NIPBL: variants seen among roughly 807,000 people sequenced by gnomAD.
The protein encoded by NIPBL is NIPBL cohesin loading factor.
NIPBL carries 19 observed loss-of-function variants against 321.8 expected under a neutral mutation model. That is an observed-to-expected ratio of 0.06 (90% CI 0.04 to 0.09). The LOEUF (loss-of-function observed/expected upper bound fraction) is 0.09, where lower values mean the gene tolerates loss of function less well. Among genes scored for constraint, NIPBL ranks in the 10% least tolerant of loss-of-function variants. The pLI is 1.00. For synonymous variants in NIPBL, 1,106 were observed against 1,114.1 expected (o/e 0.99, Z 0.14); for missense variants, 2,210 against 3,327.0 (o/e 0.66, Z 8.26).
intron 1 of NIPBL, among the ~76,000 whole-genome samples, chr5:36,936,445 G>T (rs1344729890): frequency 6.6e-6 from 1 of 152,116 alleles, no homozygotes; most frequent in Non-Finnish European, 1.5e-5. Flanking sequence ...TGTAGCCTAG[G>T]AGCAATAGGC....
At position 36,931,612 on chromosome 5, in the gene NIPBL, G is replaced by A. The variant is rs551786354; in HGVS notation, c.-79-22006G>A. On this transcript the variant is annotated intron_variant, in intron 1 of 46. Transcript: ENST00000282516. The stretch of plus-strand genomic sequence containing the variant: ...GATTATAGGCATGAGCCATCACACC[G>A]GGCCTTCCCTTTTAATTTCTAAAGT... 7.2e-5 allele frequency among the ~76,000 whole-genome samples: 11 copies of A among 152,072 alleles called. No individual in the cohort carries two copies. The East Asian group carries it at 1.5e-3, about 21-fold the overall frequency.
At chr5:36,995,009 G>C (rs979222062) in intron 10 of NIPBL, 1 of 152,094 alleles carries the variant, frequency 6.6e-6, no homozygotes, top group African/African-American at 2.4e-5. Context: ...CAGTTAAATT[G>C]TATATATTGA....
intron 11 of NIPBL, among the ~76,000 whole-genome samples, chr5:36,998,720 A>G (rs1279312464): frequency 1.3e-5 from 2 of 152,154 alleles, no homozygotes; most frequent in East Asian, 3.9e-4. Context: ...TAGGCATTTC[A>G]GTACTTGTGA....
At position 37,000,468 on chromosome 5, in the gene NIPBL, T is replaced by A. The variant is rs753849710; in HGVS notation, c.3400T>A (p.Ser1134Thr). ...SSGDHRRSGH[S>T]HEGRRSSGGG... is the part of the protein sequence containing the mutation. The stretch of plus-strand genomic sequence containing the variant: ...TGGGGATCATAGGAGAAGTGGCCAC[T>A]CTCATGAAGGAAGAAGGAGTTCAGG... Residue 1134 changes from serine to threonine, a missense_variant, in exon 12 of 47, where the codon TCT becomes ACT. Coordinates refer to ENST00000282516, the MANE Select transcript of NIPBL (RefSeq NM_133433.4). 8.7e-6 allele frequency: 14 copies of A among 1,613,264 alleles called. No homozygotes were observed. Among genetic ancestry groups the A allele is most frequent in the Non-Finnish European group, 1.2e-5 (14 of 1,179,554 alleles).
chr5:37,009,162 G>C (rs966759961), intron 20 of NIPBL, among the ~76,000 whole-genome samples: 4 of 151,858 alleles, frequency 2.6e-5, no homozygotes, highest in African/African-American at 9.7e-5. Flanking sequence ...AGAAGATCTT[G>C]TTCATCCTGT....
intron 11 of NIPBL, among the ~76,000 whole-genome samples, chr5:36,998,036 T>A (rs529179617): frequency 6.6e-6 from 1 of 152,094 alleles, no homozygotes; most frequent in East Asian, 1.9e-4. Flanking sequence ...AGCACAAATA[T>A]AAGGTCACTG....
intron 16 of NIPBL, among the ~76,000 whole-genome samples, chr5:37,004,747 A>G (rs1747227864): frequency 1.3e-5 from 2 of 152,192 alleles, no homozygotes; most frequent in Non-Finnish European, 2.9e-5. Context: ...TAAAAGTAAC[A>G]TATTTATTGT....
rs573159528 is a variant in NIPBL at position 36,892,903 on chromosome 5, C to T, written c.-80+15725C>T. 1.6e-3 allele frequency among the ~76,000 whole-genome samples: 241 copies of T among 152,150 alleles called. 1 individual carries two copies. The highest frequency in any genetic ancestry group is 3.4e-3 in the Middle Eastern group (1 of 294). On this transcript the variant is annotated intron_variant, in intron 1 of 46. Transcript: ENST00000282516. ...TGTATACATATGTAACAAACCTGCA[C>T]GTTGTGCACGTGTACCCTAGAACTT...
intron 40 of NIPBL, chr5:37,051,182 G>A (rs951030863): frequency 2.0e-5 from 3 of 152,588 alleles, no homozygotes; most frequent in African/African-American, 4.8e-5. Flanking sequence ...CTTTCATTTA[G>A]TGCCATGTCT....
At chr5:36,990,860 T>C (rs1745421607) in intron 10 of NIPBL, among the ~76,000 whole-genome samples, 1 of 152,154 alleles carries the variant, frequency 6.6e-6, no homozygotes, top group Non-Finnish European at 1.5e-5. Flanking sequence ...ACATAGTTTC[T>C]ATAGGGTTCT....
chr5:37,019,033 G>C (rs1749322816), intron 24 of NIPBL, among the ~76,000 whole-genome samples: 1 of 152,070 alleles, frequency 6.6e-6, no homozygotes, highest in African/African-American at 2.4e-5. Flanking sequence ...AACCCAGGAG[G>C]CAAAGATTGC....
intron 32 of NIPBL, among the ~76,000 whole-genome samples, chr5:37,029,982 T>A (rs1750772736): frequency 6.6e-6 from 1 of 152,240 alleles, no homozygotes; most frequent in Non-Finnish European, 1.5e-5. Context: ...AGGTACATCA[T>A]GATTTCTAAA....
chr5:37,038,388 C>T (rs1751960037), intron 33 of NIPBL, among the ~76,000 whole-genome samples: 1 of 148,434 alleles, frequency 6.7e-6, no homozygotes, highest in East Asian at 2.0e-4. Flanking sequence ...CTATAGAGAG[C>T]ATGGCCTCTT....
intron 1 of NIPBL, among the ~76,000 whole-genome samples, chr5:36,943,781 G>A (rs1739366290): frequency 1.3e-5 from 2 of 152,110 alleles, no homozygotes. Context: ...GAGGATCCTG[G>A]AGTGGCCAGT....
At chr5:36,969,933 G>A (rs1427481658) in intron 6 of NIPBL, among the ~76,000 whole-genome samples, 1 of 152,112 alleles carries the variant, frequency 6.6e-6, no homozygotes, top group Admixed American at 6.6e-5. Flanking sequence ...TTGGCACCTA[G>A]AGCTCTTACA....
chr5:36,957,982 T>TTA (rs1741166328), intron 3 of NIPBL, 122 bp from the exon 4 acceptor site: 1 of 778,990 alleles, frequency 1.3e-6, no homozygotes, highest in Non-Finnish European at 1.9e-6. Context: ...AGACTTCGTC[T>TTA]CAAAAAAAAA....
At chr5:36,955,768 G>A (rs541738698) in intron 3 of NIPBL, 131 bp downstream of exon 3, 8 of 697,932 alleles carry the variant, frequency 1.1e-5, no homozygotes, top group South Asian at 3.3e-5. Flanking sequence ...CATATCCGAG[G>A]GAGAATATAG....
intron 32 of NIPBL, among the ~76,000 whole-genome samples, chr5:37,031,150 A>AT (rs1750970399): frequency 6.6e-6 from 1 of 151,608 alleles, no homozygotes; most frequent in Admixed American, 6.6e-5. Flanking sequence ...CGCCTGGCTA[A>AT]TTTTTTTATA....
intron 9 of NIPBL, among the ~76,000 whole-genome samples, chr5:36,983,398 A>G (rs760918206): frequency 1.1e-4 from 17 of 151,944 alleles, no homozygotes; most frequent in Non-Finnish European, 2.5e-4. Flanking sequence ...TTTAAAAAGA[A>G]AACAGTGGAA....
Sources: gnomAD v4.1 joint callset for allele counts (sites outside exome capture counted in the v4.1 genomes callset) on GRCh38, gnomAD v4.1.1 for gene constraint, MANE v1.5 for transcripts, NCBI Gene and HGNC (gene_info 2026-07-23, HGNC 2026-07-21) for gene names.